The following FOXP1 variants were observed in gnomAD, a reference collection of about 807,000 sequenced individuals.
FOXP1 encodes the protein forkhead box protein P1.
FOXP1 carries 15 observed loss-of-function variants against 98.2 expected under a neutral mutation model. The ratio of observed to expected loss-of-function variants is 0.15; its 90% CI spans 0.10 to 0.24. The LOEUF is 0.24. FOXP1 is among the 10% of genes least tolerant of loss of function. The pLI is 1.00. For synonymous variants in FOXP1, 371 were observed against 314.5 expected, an observed-to-expected ratio of 1.18 and a Z score of -1.90; for missense variants, 633 against 848.5, an observed-to-expected ratio of 0.75 and a Z score of 3.15.
intron 3 of FOXP1, among the ~76,000 whole-genome samples, chr3:71,460,861 C>A (rs1013994941): frequency 6.6e-6 from 1 of 152,104 alleles, no homozygotes; most frequent in Non-Finnish European, 1.5e-5. Context: ...GATTGTACAC[C>A]GTATCTAGCT....
intron 2 of FOXP1, among the ~76,000 whole-genome samples, chr3:71,541,605 C>T (rs1186411897): frequency 6.6e-6 from 1 of 151,916 alleles, no homozygotes; most frequent in African/African-American, 2.4e-5. Context: ...ACAGATACAG[C>T]AAAATGTCAC....
chr3:71,198,038 T>C (rs763034664), intron 6 of FOXP1, 164 bp downstream of exon 6: 7 of 1,614,234 alleles, frequency 4.3e-6, no homozygotes, highest in South Asian at 1.1e-5. Context: ...CTGCTGGGAC[T>C]CCTAGAGGGC....
intron 3 of FOXP1, among the ~76,000 whole-genome samples, chr3:71,391,839 T>C (rs1401691792): frequency 6.6e-6 from 1 of 152,010 alleles, no homozygotes; most frequent in Non-Finnish European, 1.5e-5. Flanking sequence ...GATCTGCTGC[T>C]CTCTCTCTGT....
chr3:71,060,640 CCT>C (rs1051316986), intron 7 of FOXP1, among the ~76,000 whole-genome samples: 30 of 152,182 alleles, frequency 2.0e-4, no homozygotes, highest in African/African-American at 5.3e-4. Context: ...TGTATTCTCC[CCT>C]GTGTCATCTT....
intron 2 of FOXP1, among the ~76,000 whole-genome samples, chr3:71,543,244 T>C (rs2045029561): frequency 6.6e-6 from 1 of 152,204 alleles, no homozygotes; most frequent in South Asian, 2.1e-4. Context: ...AATTGCATCA[T>C]TTAGTTAACA....
chr3:70,957,572 C>T lies in FOXP1; in HGVS notation c.*1675G>A, dbSNP rs190656587. On this transcript the variant is annotated 3_prime_UTR_variant, in exon 21 of 21. Transcript: ENST00000649528. ...TATAAATTAAGCTTCGAAAGGCTCT[C>T]GAACTAAAAAAAACTACAGTCCTAT... The T allele has an allele frequency of 2.1e-3, 497 of 232,088 alleles. 3 individuals are homozygous for T. The highest frequency in any genetic ancestry group is 0.01 in the African/African-American group (469 of 45,288). 14.4% of individuals were successfully genotyped at this position (232,088 alleles called of 1,614,324 possible).
intron 3 of FOXP1, among the ~76,000 whole-genome samples, chr3:71,417,304 G>A (rs1240254372): frequency 6.6e-6 from 1 of 152,142 alleles, no homozygotes; most frequent in African/African-American, 2.4e-5. Context: ...CATCTGTTTC[G>A]CATTGGCTAT....
At chr3:70,997,493 G>A (rs2041549144) in intron 13 of FOXP1, among the ~76,000 whole-genome samples, 1 of 152,126 alleles carries the variant, frequency 6.6e-6, no homozygotes, top group Non-Finnish European at 1.5e-5. Context: ...CTTGGTTAAG[G>A]CTTCTCTTAA....
rs530092556 is a variant in FOXP1, at chr3:71,537,496, G to A, written c.-297-43941C>T. 1.2e-4 allele frequency among the ~76,000 whole-genome samples: 18 copies of A among 152,332 alleles called. No individual in the cohort carries two copies. The South Asian group carries it at 3.1e-3, about 26-fold the overall frequency. ...ACCAGGCAGGCGCAGAGGCCAAGTC[G>A]GAGAAGCATGCAGTGACCTGCACAG... On this transcript the variant is annotated intron_variant, in intron 2 of 20. Transcript: ENST00000649528.
At chr3:70,972,864 A>G (rs1476341470) in intron 17 of FOXP1, among the ~76,000 whole-genome samples, 188 bp from the exon 18 acceptor site, 2 of 152,198 alleles carry the variant, frequency 1.3e-5, no homozygotes, top group African/African-American at 2.4e-5. Flanking sequence ...CCAAAATTAT[A>G]AATTAATCGT....
intron 3 of FOXP1, among the ~76,000 whole-genome samples, chr3:71,480,816 TAAGA>T (rs1469406023): frequency 6.6e-6 from 1 of 152,196 alleles, no homozygotes; most frequent in Non-Finnish European, 1.5e-5. Context: ...GAGTCCAGTG[TAAGA>T]AAGAACTTCC....
At chr3:71,301,149 T>C (rs1445044377) in intron 4 of FOXP1, among the ~76,000 whole-genome samples, 1 of 152,184 alleles carries the variant, frequency 6.6e-6, no homozygotes, top group Admixed American at 6.5e-5. Flanking sequence ...TTTTCACCAT[T>C]TGGGTGGGGG....
intron 18 of FOXP1, chr3:70,971,940 TG>T: frequency 8.0e-7 from 1 of 1,246,594 alleles, no homozygotes; most frequent in Non-Finnish European, 1.0e-6. Flanking sequence ...CAAAACTACA[TG>T]GGATGAGTCA....
chr3:71,423,010 A>T (rs1251896327), intron 3 of FOXP1, among the ~76,000 whole-genome samples: 3 of 152,200 alleles, frequency 2.0e-5, no homozygotes. Flanking sequence ...GAGCCAGGAA[A>T]GAGCTGCCTG....
At chr3:71,168,797 C>T (rs1050172742) in intron 6 of FOXP1, among the ~76,000 whole-genome samples, 2 of 152,156 alleles carry the variant, frequency 1.3e-5, no homozygotes, top group East Asian at 3.9e-4. Context: ...AACATTTGCA[C>T]TGTTTAAAGT....
intron 7 of FOXP1, among the ~76,000 whole-genome samples, chr3:71,103,688 C>T (rs1315727470): frequency 6.6e-6 from 1 of 151,988 alleles, no homozygotes; most frequent in East Asian, 1.9e-4. Context: ...CGGTTTATAG[C>T]AAGGTGGGGG....
At chr3:71,125,770 T>C (rs1469630188) in intron 6 of FOXP1, among the ~76,000 whole-genome samples, 1 of 152,164 alleles carries the variant, frequency 6.6e-6, no homozygotes, top group Non-Finnish European at 1.5e-5. Flanking sequence ...TAACAGAAAT[T>C]ACAAAGAAAT....
intron 6 of FOXP1, among the ~76,000 whole-genome samples, chr3:71,177,840 C>CTTTTTTTTTTTTTTT (rs397704711): frequency 4.4e-5 from 5 of 114,942 alleles, no homozygotes; most frequent in African/African-American, 1.1e-4. Flanking sequence ...TTCTTTCTTT[C>CTTTTTTTTTTTTTTT]TTTTTTTTTT....
intron 2 of FOXP1, among the ~76,000 whole-genome samples, chr3:71,567,549 G>C (rs2047000045): frequency 6.6e-6 from 1 of 152,210 alleles, no homozygotes; most frequent in African/African-American, 2.4e-5. Context: ...CTTCAAACCA[G>C]TTGGACTTAT....
Sources: gnomAD v4.1 joint callset for allele counts (sites outside exome capture counted in the v4.1 genomes callset) on GRCh38, gnomAD v4.1.1 for gene constraint, MANE v1.5 for transcripts, NCBI Gene and HGNC (gene_info 2026-07-23, HGNC 2026-07-21) for gene names.